SLC6A19: variants seen among roughly 807,000 people sequenced by gnomAD.
SLC6A19 encodes sodium-dependent neutral amino acid transporter B(0)AT1.
A neutral mutation model predicts 68.3 loss-of-function variants in SLC6A19; 67 were observed. The observed-to-expected ratio is 0.98, with a 90% CI of 0.81 to 1.20. The LOEUF (loss-of-function observed/expected upper bound fraction) is 1.20. Ranked by LOEUF, SLC6A19 falls within the 50% of genes most tolerant of loss-of-function variation. The pLI, the probability that SLC6A19 is intolerant of heterozygous loss-of-function variation, is 0.00. For synonymous variants in SLC6A19, 392 were observed against 374.9 expected, an observed-to-expected ratio of 1.05 and a Z score of -0.53; for missense variants, 813 against 851.6, an observed-to-expected ratio of 0.95 and a Z score of 0.56.
Position 1,215,919 on chromosome 5 carries a change from C to T in SLC6A19, c.888-639C>T, listed in dbSNP as rs1364263769. Among the ~76,000 whole-genome samples, 2 of 152,180 alleles carry T rather than the reference C, an allele frequency of 1.3e-5. No individual in the cohort carries two copies. Among genetic ancestry groups the T allele is most frequent in the East Asian group, 1.9e-4 (1 of 5,196 alleles). The stretch of plus-strand genomic sequence containing the variant: ...TTATTGTCTGACTTTTGTTTCTGGC[C>T]ATCCCAGCAGGGGTGTGGTGAGATC... On this transcript the variant is annotated intron_variant, in intron 6 of 11. Coordinates refer to ENST00000304460, the MANE Select transcript of SLC6A19 (RefSeq NM_001003841.3). The surrounding 1 kb of genome is among the most constrained non-coding windows in gnomAD (Gnocchi z 5.1).
In SLC6A19 at chr5:1,219,059, C is replaced by G. The variant is rs1395376531; in HGVS notation, c.1330C>G (p.Gln444Glu). 1 of 1,613,948 alleles carries G rather than the reference C, an allele frequency of 6.2e-7. No homozygotes were observed. The change falls in exon 9 of 12, where the codon CAG (glutamine) becomes GAG (glutamate). Residue 444 changes from glutamine to glutamate, a missense_variant. Transcript: ENST00000304460. ...CATGGAGGGCGTCGTTGTGCCCCTGCAGGACCTCAGAGTCATCCCCCCGAA... is the reference window on the plus strand; with the variant it reads ...CATGGAGGGCGTCGTTGTGCCCCTGGAGGACCTCAGAGTCATCCCCCCGAA... ...GNMEGVVVPL[Q>E]DLRVIPPKWP... is the part of the protein sequence containing the mutation.
intron 4 of SLC6A19, 43 bp from the exon 5 acceptor site, chr5:1,213,419 GC>G (rs767209962): frequency 7.1e-6 from 9 of 1,271,918 alleles, no homozygotes; most frequent in Non-Finnish European, 7.4e-6. Flanking sequence ...CGCATGCCTG[GC>G]CCCCCAACTT....
intron 1 of SLC6A19, among the ~76,000 whole-genome samples, chr5:1,206,665 G>A (rs1044299535): frequency 2.0e-4 from 31 of 152,036 alleles, no homozygotes; most frequent in African/African-American, 7.2e-4. Context: ...GATGATGGGG[G>A]CTTGGCTCTG....
In SLC6A19 at chr5:1,214,867, G is replaced by A. The variant is rs1275573100; in HGVS notation, c.887+802G>A. 6.6e-6 allele frequency among the ~76,000 whole-genome samples: 1 copy of A among 150,392 alleles called. No individual in the cohort carries two copies. Among genetic ancestry groups the A allele is most frequent in the Admixed American group, 6.6e-5 (1 of 15,130 alleles). On this transcript the variant is annotated intron_variant, in intron 6 of 11. Coordinates refer to ENST00000304460, the MANE Select transcript of SLC6A19 (RefSeq NM_001003841.3). This position sits in a 1 kb window ranked among gnomAD's most constrained non-coding sequence, Gnocchi z 7.4. ...GACTGGACGGGGGCCTGGGTAGGGAGGGTGGGCCCTGGGTGTGAGGGGCGG... is the reference window on the plus strand; with the variant it reads ...GACTGGACGGGGGCCTGGGTAGGGAAGGTGGGCCCTGGGTGTGAGGGGCGG...
Position 1,221,731 on chromosome 5 carries a change from T to C in SLC6A19, c.1732T>C (p.Tyr578His), listed in dbSNP as rs1049057297. ...EEFPKSQKIS[Y>H]PNWVYVVVVI... ...ATTTCCCAAATCCCAGAAGATCTCCTACCCGAACTGGGTGTATGTGGTGGT... is the reference window on the plus strand; with the variant it reads ...ATTTCCCAAATCCCAGAAGATCTCCCACCCGAACTGGGTGTATGTGGTGGT... Residue 578 changes from tyrosine (Y) to histidine (H), a missense_variant, in exon 12 of 12, where the codon TAC (tyrosine) becomes CAC (histidine). Physicochemically the swap from Tyr to His is moderately conservative, Grantham distance 83 (BLOSUM62 2). Transcript: ENST00000304460. 1.2e-6 allele frequency: 2 copies of C among 1,614,038 alleles called. No homozygotes were observed. Among genetic ancestry groups the C allele is most frequent in the Non-Finnish European group, 1.7e-6 (2 of 1,179,898 alleles).
Position 1,212,520 on chromosome 5 carries a change from A to C in SLC6A19, c.663+36A>C. ...GGCCCGGCCAGGCTGCAGGTGCTCC[A>C]GAGGGCGGGTGCGGGCAGCCCTGCC... On this transcript the variant is annotated intron_variant, in intron 4 of 11. Coordinates refer to ENST00000304460, the MANE Select transcript of SLC6A19 (RefSeq NM_001003841.3). This position sits in a 1 kb window ranked among gnomAD's most constrained non-coding sequence, Gnocchi z 5.1. 6.2e-7 allele frequency: 1 copy of C among 1,601,300 alleles called. No homozygotes were observed. The highest frequency in any genetic ancestry group is 8.5e-7 in the Non-Finnish European group (1 of 1,179,406).
chr5:1,213,825 AG>A, intron 5 of SLC6A19, 127 bp from the exon 6 acceptor site: 1 of 1,469,176 alleles, frequency 6.8e-7, no homozygotes, highest in Non-Finnish European at 9.3e-7. Context: ...CTGCCACCCC[AG>A]GGGGCCCTGG....
rs369193624 is a variant in SLC6A19, at chr5:1,219,338, C to T, written c.1379-167C>T. On this transcript the variant is annotated intron_variant, in intron 9 of 11. Coordinates refer to ENST00000304460, the MANE Select transcript of SLC6A19 (RefSeq NM_001003841.3). Reference sequence around the variant, plus strand: ...CTCTGTCCCCGGCCGTGCGTGCAGCCGCCGGGCATGTGAGCAGCTCTGTCC... The same window carrying T: ...CTCTGTCCCCGGCCGTGCGTGCAGCTGCCGGGCATGTGAGCAGCTCTGTCC... Among the ~76,000 whole-genome samples, 46 of 151,178 alleles carry T rather than the reference C, an allele frequency of 3.0e-4. No individual in the cohort carries two copies. The East Asian group carries it at 7.8e-3, about 26-fold the overall frequency.
chr5:1,219,102 T>C lies in SLC6A19; in HGVS notation c.1373T>C (p.Leu458Pro), dbSNP rs534391837. ...VIPPKWPKEV[L>P]TGLICLGTFL... ...CCCCCGAAGTGGCCCAAGGAGGTGC[T>C]CACAGGTACGTGTGCAGTCGGGAGG... Residue 458 changes from leucine to proline, a missense_variant, in exon 9 of 12, where the codon CTC (leucine) becomes CCC (proline). Coordinates refer to ENST00000304460, the MANE Select transcript of SLC6A19 (RefSeq NM_001003841.3). 33 of 1,612,456 alleles carry C rather than the reference T, an allele frequency of 2.0e-5. No individual in the cohort carries two copies. The highest frequency in any genetic ancestry group is 2.6e-5 in the Non-Finnish European group (31 of 1,179,424).
rs374527866 is a variant in SLC6A19 at position 1,221,151 on chromosome 5, G to A, written c.1539G>A (p.Arg513=). The A allele has an allele frequency of 7.4e-6, 12 of 1,613,366 alleles. No homozygotes were observed. In the African/African-American group the frequency reaches 1.1e-4, roughly 14 times the overall value. ...TGACAGCTGTCTCTGGCCTTGGCAGGTTCAATAAGGACATCGAGTTCATGA... is the reference window on the plus strand; with the variant it reads ...TGACAGCTGTCTCTGGCCTTGGCAGATTCAATAAGGACATCGAGTTCATGA... ...FSVVYVYGVD[R]FNKDIEFMIG... Residue 513 remains arginine (R), a splice_region_variant and synonymous_variant, in exon 11 of 12, where the codon AGG becomes AGA. Coordinates refer to ENST00000304460, the MANE Select transcript of SLC6A19 (RefSeq NM_001003841.3).
rs747642051 is a variant in SLC6A19, at chr5:1,212,313, C to T, written c.492C>T (p.Asp164=). 24 of 1,613,310 alleles carry T rather than the reference C, an allele frequency of 1.5e-5. No homozygotes were observed. The highest frequency in any genetic ancestry group is 1.6e-4 in the Middle Eastern group (1 of 6,084). The change falls in exon 4 of 12, where the codon GAC becomes GAT. Residue 164 remains aspartate (D), a synonymous_variant. Coordinates refer to ENST00000304460, the MANE Select transcript of SLC6A19 (RefSeq NM_001003841.3). This position sits in a 1 kb window ranked among gnomAD's most constrained non-coding sequence, Gnocchi z 5.1. ...PLNENQTGYV[D]ECARSSPVDY... is the part of the protein sequence containing the mutation. ...TGGCCCTCTCCCCAGGGTATGTGGA[C>T]GAGTGCGCCAGGAGCTCCCCTGTGG...
chr5:1,216,479 G>T, intron 6 of SLC6A19, 79 bp from the exon 7 acceptor site: 1 of 1,604,084 alleles, frequency 6.2e-7, no homozygotes, highest in Middle Eastern at 1.7e-4. Context: ...CGCTCTGGGC[G>T]GGATGCGGAT....
rs777819089 is a variant in SLC6A19 at position 1,201,861 on chromosome 5, G to T, written c.202+9G>T. 2.5e-6 allele frequency: 4 copies of T among 1,606,854 alleles called. No individual in the cohort carries two copies. The South Asian group carries it at 4.4e-5, about 18-fold the overall frequency. On this transcript the variant is annotated intron_variant, in intron 1 of 11. Transcript: ENST00000304460. Reference sequence around the variant, plus strand: ...TCAGAGCCACGGAGGAGGTAGGCTGGCCGGGCGGGGCTGCGGGCGAGGCCG... The same window carrying T: ...TCAGAGCCACGGAGGAGGTAGGCTGTCCGGGCGGGGCTGCGGGCGAGGCCG...
chr5:1,218,007 G>GCCTCCTCCCA (rs1165109852), intron 8 of SLC6A19, among the ~76,000 whole-genome samples: 5 of 151,224 alleles, frequency 3.3e-5, no homozygotes, highest in South Asian at 2.1e-4. Flanking sequence ...CCATCCTGGC[G>GCCTCCTCCCA]CCTCCTCCCG....
At position 1,214,202 on chromosome 5, in the gene SLC6A19, T is replaced by C; in HGVS notation, c.887+137T>C. ...CTGCCCCGATGGGCCCGTTCCCTCC[T>C]GCTCGGGGTCCATGTGAGCTGAGTC... On this transcript the variant is annotated intron_variant, in intron 6 of 11. Transcript: ENST00000304460. The surrounding 1 kb of genome is among the most constrained non-coding windows in gnomAD (Gnocchi z 7.4). The C allele has an allele frequency of 6.7e-7, 1 of 1,489,778 alleles. No homozygotes were observed. The allele number at this position is 1,489,778 out of a possible 1,614,324, so 92.3% of individuals were successfully genotyped here. A position where few individuals can be genotyped will look rare whatever the true frequency, so the allele number is the denominator to read the frequency against.
chr5:1,218,774 G>A, intron 8 of SLC6A19, 129 bp from the exon 9 acceptor site: 2 of 858,358 alleles, frequency 2.3e-6, no homozygotes, highest in Non-Finnish European at 3.7e-6. Flanking sequence ...ACAAGATCTA[G>A]CTATTTCATG....
intron 1 of SLC6A19, among the ~76,000 whole-genome samples, chr5:1,205,431 C>T (rs1377284289): frequency 1.3e-5 from 2 of 152,306 alleles, no homozygotes; most frequent in Non-Finnish European, 2.9e-5. Context: ...TGGGTGTGTG[C>T]CCCCCACCCC....
intron 1 of SLC6A19, among the ~76,000 whole-genome samples, chr5:1,206,310 G>C (rs563106140): frequency 7.9e-5 from 11 of 139,570 alleles, no homozygotes; most frequent in African/African-American, 3.7e-4. Flanking sequence ...CTGTGTGTGT[G>C]TCTCTCTGTC....
At position 1,209,053 on chromosome 5, in the gene SLC6A19, G is replaced by A. The variant is rs1745940865; in HGVS notation, c.343+167G>A. Among the ~76,000 whole-genome samples, 1 of 152,156 alleles carries A rather than the reference G, an allele frequency of 6.6e-6. No individual in the cohort carries two copies. The highest frequency in any genetic ancestry group is 6.5e-5 in the Admixed American group (1 of 15,286). ...CAGCTTCATCTCCTGGAGGCCTTTG[G>A]AAACTCCAGGCCACTCCTGTTCACC... On this transcript the variant is annotated intron_variant, in intron 2 of 11. Transcript: ENST00000304460. This position sits in a 1 kb window ranked among gnomAD's most constrained non-coding sequence, Gnocchi z 5.5.
Sources: allele counts gnomAD v4.1 joint callset (sites outside exome capture counted in the v4.1 genomes callset), GRCh38; gene constraint gnomAD v4.1.1; non-coding constraint Gnocchi (gnomAD v3.1); transcripts MANE v1.5; gene names NCBI Gene and HGNC (gene_info 2026-07-23, HGNC 2026-07-21).